NAGPA: variants seen among roughly 807,000 people sequenced by gnomAD.
The protein encoded by NAGPA is N-acetylglucosamine-1-phosphodiester alpha-N-acetylglucosaminidase, also known as alpha-N-acetylglucosaminyl phosphodiesterase.
NAGPA carries 56 observed loss-of-function variants against 48.5 expected under a neutral mutation model. The ratio of observed to expected loss-of-function variants is 1.15; its 90% CI spans 0.93 to 1.44. The LOEUF is 1.44. Among genes scored for constraint, NAGPA ranks in the 40% most tolerant of loss-of-function variants. The pLI is 0.00. For synonymous variants in NAGPA, 399 were observed against 315.5 expected (o/e 1.26, Z -2.81); for missense variants, 888 against 735.0 (o/e 1.21, Z -2.41).
At position 5,025,308 on chromosome 16, in the gene NAGPA, AGGT is replaced by A. The variant is rs1321668380; in HGVS notation, c.*167_*169del. ...TTGCTAGGGTTGCAGGTGCCCTGGC[AGGT>A]GGCCAGGTGAGGGGCTGAGGCACAA... is the stretch of plus-strand genomic sequence containing the variant. On this transcript the variant is annotated 3_prime_UTR_variant, in exon 10 of 10. Transcript: ENST00000312251. 2.7e-5 allele frequency: 20 copies of A among 747,772 alleles called. No individual in the cohort carries two copies. The African/African-American group carries it at 3.1e-4, about 12-fold the overall frequency. The allele number at this position is 747,772 out of a possible 1,614,324, so 46.3% of individuals were successfully genotyped here.
At chr16:5,027,014 G>T in intron 9 of NAGPA, 121 bp downstream of exon 9, 1 of 1,262,212 alleles carries the variant, frequency 7.9e-7, no homozygotes, top group Non-Finnish European at 1.1e-6. Context: ...AGCTGGTCCC[G>T]CTTCCTCTAA....
rs1264475648 is a variant in NAGPA at position 5,033,213 on chromosome 16, G to C, written c.542+60C>G. 6.5e-7 allele frequency: 1 copy of C among 1,534,038 alleles called. No individual in the cohort carries two copies. Among genetic ancestry groups the C allele is most frequent in the African/African-American group, 1.4e-5 (1 of 73,064 alleles). The stretch of plus-strand genomic sequence containing the variant: ...TAAGTGACTTGAACACGGAGGCACG[G>C]CTACAACCCAAATCTCAGGCCCTCT... On this transcript the variant is annotated intron_variant, in intron 2 of 9. Coordinates refer to ENST00000312251, the MANE Select transcript of NAGPA (RefSeq NM_016256.4). The surrounding 1 kb of genome is among the most constrained non-coding windows in gnomAD (Gnocchi z 4.2).
Position 5,030,426 on chromosome 16 carries a change from C to A in NAGPA, c.750G>T (p.Gln250His). ...RTAIGHDRKG[Q>H]LVLFHADGQT... ...GGCCGTCTGCATGAAAGAGCACCAG[C>A]TGCCCTTTCCGGTCGTGGCCAATGG... is the stretch of plus-strand genomic sequence containing the variant. The change falls in exon 4 of 10, where the codon CAG becomes CAT. Residue 250 changes from glutamine to histidine, a missense_variant. Physicochemically the swap from Gln to His is conservative, Grantham distance 24. Coordinates refer to ENST00000312251, the MANE Select transcript of NAGPA (RefSeq NM_016256.4). The A allele has an allele frequency of 3.9e-6, 6 of 1,553,854 alleles. No individual in the cohort carries two copies. The highest frequency in any genetic ancestry group is 2.4e-5 in the East Asian group (1 of 41,198).
intron 3 of NAGPA, chr16:5,030,765 A>C (rs1298209900): frequency 2.0e-6 from 1 of 508,916 alleles, no homozygotes; most frequent in Non-Finnish European, 3.6e-6. Flanking sequence ...AAGAGCCAGC[A>C]TGCCCTCCCC....
chr16:5,025,490 G>A lies in NAGPA; in HGVS notation c.1536C>T (p.Pro512=). The stretch of plus-strand genomic sequence containing the variant: ...GCAGCTTGAGGCTTCAGTCCTTGAA[G>A]GGGTTGTGGGCGCCCCCTGGCTGCT... ...EKEQPGGAHN[P]FKD The change falls in exon 10 of 10, where the codon CCC becomes CCT. Residue 512 remains proline (P), a synonymous_variant. Coordinates refer to ENST00000312251, the MANE Select transcript of NAGPA (RefSeq NM_016256.4). 1 of 1,612,218 alleles carries A rather than the reference G, an allele frequency of 6.2e-7. No individual in the cohort carries two copies. Among genetic ancestry groups the A allele is most frequent in the Non-Finnish European group, 8.5e-7 (1 of 1,179,970 alleles).
At position 5,033,232 on chromosome 16, in the gene NAGPA, G is replaced by C. The variant is rs1320050620; in HGVS notation, c.542+41C>G. 2 of 1,554,512 alleles carry C rather than the reference G, an allele frequency of 1.3e-6. No homozygotes were observed. The highest frequency in any genetic ancestry group is 2.7e-5 in the African/African-American group (2 of 73,556). On this transcript the variant is annotated intron_variant, in intron 2 of 9. Coordinates refer to ENST00000312251, the MANE Select transcript of NAGPA (RefSeq NM_016256.4). The surrounding 1 kb of genome is among the most constrained non-coding windows in gnomAD (Gnocchi z 4.2). ...GGCACGGCTACAACCCAAATCTCAG[G>C]CCCTCTGCCCTCGACAGCACGGGGC...
At chr16:5,027,017 T>A in intron 9 of NAGPA, 118 bp downstream of exon 9, 1 of 1,290,700 alleles carries the variant, frequency 7.7e-7, no homozygotes, top group Non-Finnish European at 1.1e-6. Context: ...TGGTCCCGCT[T>A]CCTCTAAGGC....
At chr16:5,027,710 TGCAGGTGAG>T in intron 7 of NAGPA, 127 bp downstream of exon 7, 1 of 1,298,412 alleles carries the variant, frequency 7.7e-7, no homozygotes, top group Non-Finnish European at 1.1e-6. Flanking sequence ...CACAGTGATG[TGCAGGTGAG>T]GCCGGGGCAG....
intron 4 of NAGPA, chr16:5,029,272 G>A (rs1956060830): frequency 1.9e-6 from 1 of 514,676 alleles, no homozygotes; most frequent in Non-Finnish European, 3.5e-6. Context: ...GGAATCACAG[G>A]AGTGTTCAAC....
intron 5 of NAGPA, 130 bp from the exon 6 acceptor site, chr16:5,028,315 C>T (rs1037931627): frequency 4.6e-6 from 7 of 1,522,040 alleles, no homozygotes. Context: ...TGGCGTCTAT[C>T]TATTTTTGAG....
intron 4 of NAGPA, chr16:5,029,346 G>C (rs1214967258): frequency 8.4e-6 from 3 of 357,096 alleles, no homozygotes; most frequent in African/African-American, 7.9e-5. Flanking sequence ...AGGGGGATGA[G>C]AGGGTGGCCG....
rs1428672259 is a variant in NAGPA, at chr16:5,033,527, C to T, written c.288G>A (p.Arg96=). The change falls in exon 2 of 10, where the codon CGG becomes CGA. Residue 96 remains arginine (R), a synonymous_variant. Coordinates refer to ENST00000312251, the MANE Select transcript of NAGPA (RefSeq NM_016256.4). The surrounding 1 kb of genome is among the most constrained non-coding windows in gnomAD (Gnocchi z 4.2). The stretch of plus-strand genomic sequence containing the variant: ...AGAAGGTGCGCAGGGGCTCAACGGC[C>T]CGCGTCAGGTGGCCGGCCACCGCGC... The part of the protein sequence containing the change: ...RDRAVAGHLT[R]AVEPLRTFSV... The T allele has an allele frequency of 2.0e-6, 3 of 1,515,778 alleles. No individual in the cohort carries two copies. In the Admixed American group the frequency reaches 6.4e-5, roughly 33 times the overall value. The allele number at this position is 1,515,778 out of a possible 1,614,324, so 93.9% of individuals were successfully genotyped here. A position where few individuals can be genotyped will look rare whatever the true frequency, so the allele number is the denominator to read the frequency against.
At chr16:5,029,216 T>A (rs575764016) in intron 4 of NAGPA, 13 of 796,990 alleles carry the variant, frequency 1.6e-5, no homozygotes, top group East Asian at 1.1e-4. Flanking sequence ...GGCATAGGAA[T>A]CCTTAAGGGA....
In NAGPA at chr16:5,027,964, C is replaced by T. The variant is rs1956033095; in HGVS notation, c.1126+16G>A. 1 of 1,613,788 alleles carries T rather than the reference C, an allele frequency of 6.2e-7. No homozygotes were observed. The highest frequency in any genetic ancestry group is 1.3e-5 in the African/African-American group (1 of 75,012). On this transcript the variant is annotated intron_variant, in intron 6 of 9. Coordinates refer to ENST00000312251, the MANE Select transcript of NAGPA (RefSeq NM_016256.4). ...GCAGGGCTGGGCAGAGCCCCCTCCC[C>T]AGAACCCCCACTCACTCTCCGTGCA...
rs1414786390 is a variant in NAGPA at position 5,033,460 on chromosome 16, G to A, written c.355C>T (p.Arg119Ter). ...PGGPGGCAAR[R>*]RATVEETARA... ...GCCGTCTCCTCCACGGTGGCGCGTCGTCTCGCCGCGCAGCCGCCGGGTCCA... is the reference window on the plus strand; with the variant it reads ...GCCGTCTCCTCCACGGTGGCGCGTCATCTCGCCGCGCAGCCGCCGGGTCCA... Residue 119 changes from arginine to a stop codon, truncating the protein, a stop_gained, in exon 2 of 10, where the codon CGA becomes TGA. Coordinates refer to ENST00000312251, the MANE Select transcript of NAGPA (RefSeq NM_016256.4). LOFTEE classifies it high-confidence loss of function. The surrounding 1 kb of genome is among the most constrained non-coding windows in gnomAD (Gnocchi z 4.2). 6.3e-7 allele frequency: 1 copy of A among 1,583,746 alleles called. No individual in the cohort carries two copies. The highest frequency in any genetic ancestry group is 1.1e-5 in the South Asian group (1 of 89,604).
At chr16:5,028,355 C>G in intron 5 of NAGPA, 170 bp from the exon 6 acceptor site, 1 of 1,314,546 alleles carries the variant, frequency 7.6e-7, no homozygotes, top group Non-Finnish European at 1.1e-6. Flanking sequence ...CCACCCGAGC[C>G]TCCTGAGCAG....
At position 5,028,115 on chromosome 16, in the gene NAGPA, G is replaced by A; in HGVS notation, c.991C>T (p.Pro331Ser). 6.2e-7 allele frequency: 1 copy of A among 1,608,658 alleles called. No homozygotes were observed. The highest frequency in any genetic ancestry group is 8.5e-7 in the Non-Finnish European group (1 of 1,177,666). ...GTCCCGTGGCCGTGGCAGTCAGGCG[G>A]CTGGCAGCGGGGTTCGTGCACACAC... is the stretch of plus-strand genomic sequence containing the variant. ...VVCVHEPRCQ[P>S]PDCHGHGTCV... Residue 331 changes from proline (P) to serine (S), a missense_variant, in exon 6 of 10, where the codon CCG becomes TCG. Transcript: ENST00000312251.
At chr16:5,030,533 A>G (rs1403576237) in intron 3 of NAGPA, 40 bp from the exon 4 acceptor site, 1 of 1,496,038 alleles carries the variant, frequency 6.7e-7, no homozygotes, top group Admixed American at 2.0e-5. Context: ...GCCCCTTGGG[A>G]GGCCTCCTGC....
In NAGPA at chr16:5,033,699, G is replaced by C. The variant is rs1956149774; in HGVS notation, c.116C>G (p.Pro39Arg). Reference protein sequence around the residue: ...GASRDDDLLLPYPRARARLPR... With the variant: ...GASRDDDLLLRYPRARARLPR... ...GAGGCGCGCGCGCGCGCGTGGATAG[G>C]GCAGTAGCAAGTCGTCGTCGCGGGA... is the stretch of plus-strand genomic sequence containing the variant. The change falls in exon 2 of 10, where the codon CCC becomes CGC. Residue 39 changes from proline (P) to arginine (R), a missense_variant. Coordinates refer to ENST00000312251, the MANE Select transcript of NAGPA (RefSeq NM_016256.4). This position sits in a 1 kb window ranked among gnomAD's most constrained non-coding sequence, Gnocchi z 4.2. 1.9e-6 allele frequency: 3 copies of C among 1,602,016 alleles called. No homozygotes were observed. Among genetic ancestry groups the C allele is most frequent in the Non-Finnish European group, 2.5e-6 (3 of 1,177,716 alleles).
Sources: allele counts gnomAD v4.1 joint callset, GRCh38; gene constraint gnomAD v4.1.1; non-coding constraint Gnocchi (gnomAD v3.1); transcripts MANE v1.5; gene names NCBI Gene and HGNC (gene_info 2026-07-23, HGNC 2026-07-21).